OGDH: variants seen among roughly 807,000 people sequenced by gnomAD.
The protein encoded by OGDH is 2-oxoglutarate dehydrogenase complex component E1.
Under a neutral mutation model 116.6 loss-of-function variants are expected in OGDH, and 38 were observed. The observed-to-expected ratio is 0.33, with a 90% CI of 0.25 to 0.43. The LOEUF (loss-of-function observed/expected upper bound fraction) is 0.43, where lower values mean the gene tolerates loss of function less well. OGDH is among the 20% of genes least tolerant of loss of function. OGDH has a pLI of 1.00. For synonymous variants in OGDH, 488 were observed against 533.3 expected (o/e 0.92, Z 1.17); for missense variants, 825 against 1,357.2 (o/e 0.61, Z 6.16).
At chr7:44,633,315 A>G (rs942233468) in intron 2 of OGDH, among the ~76,000 whole-genome samples, 5 of 151,798 alleles carry the variant, frequency 3.3e-5, no homozygotes, top group African/African-American at 9.6e-5. Flanking sequence ...AAAAGGAGCA[A>G]ATTGTTCCAG....
chr7:44,613,729 C>CAAGTCA (rs1784657347), intron 1 of OGDH, among the ~76,000 whole-genome samples: 1 of 151,410 alleles, frequency 6.6e-6, no homozygotes, highest in South Asian at 2.1e-4. Context: ...CTCCTGACCT[C>CAAGTCA]AAGTCATCTG....
At chr7:44,622,490 G>C (rs1012929826) in intron 1 of OGDH, among the ~76,000 whole-genome samples, 1 of 152,070 alleles carries the variant, frequency 6.6e-6, no homozygotes, top group Admixed American at 6.6e-5. Context: ...ATGTTCTGCT[G>C]TTTACTTTTG....
At chr7:44,675,587 C>A (rs903515169) in intron 8 of OGDH, among the ~76,000 whole-genome samples, 1 of 152,054 alleles carries the variant, frequency 6.6e-6, no homozygotes, top group African/African-American at 2.4e-5. Context: ...GAGTAGAAAT[C>A]CCATATAAGG....
intron 10 of OGDH, among the ~76,000 whole-genome samples, chr7:44,692,657 A>G (rs945832426): frequency 1.3e-5 from 2 of 152,214 alleles, no homozygotes; most frequent in African/African-American, 4.8e-5. Context: ...ATAAGATAAA[A>G]ATTTAAATGC....
intron 2 of OGDH, among the ~76,000 whole-genome samples, chr7:44,638,264 A>G (rs1045931266): frequency 3.9e-5 from 6 of 152,112 alleles, no homozygotes; most frequent in Non-Finnish European, 7.4e-5. Flanking sequence ...AGCTGGGCAC[A>G]CCCACGTACG....
chr7:44,607,899 A>AG (rs1277233316), intron 1 of OGDH, among the ~76,000 whole-genome samples: 1 of 151,914 alleles, frequency 6.6e-6, no homozygotes, highest in Non-Finnish European at 1.5e-5. Context: ...ACGGGTTTTC[A>AG]CCACCTTGGC....
intron 1 of OGDH, among the ~76,000 whole-genome samples, chr7:44,616,671 G>A (rs188841510): frequency 7.3e-4 from 104 of 141,640 alleles, no homozygotes; most frequent in Admixed American, 5.4e-3. Flanking sequence ...ACGTATATAC[G>A]TATATATACA....
intron 9 of OGDH, among the ~76,000 whole-genome samples, chr7:44,677,529 C>T (rs894460135): frequency 2.0e-5 from 3 of 151,920 alleles, no homozygotes; most frequent in Non-Finnish European, 2.9e-5. Context: ...AGGGAGGGGC[C>T]GGCCTCCTAG....
intron 1 of OGDH, among the ~76,000 whole-genome samples, chr7:44,609,286 C>G (rs1298044513): frequency 7.1e-6 from 1 of 141,608 alleles, no homozygotes; most frequent in African/African-American, 2.6e-5. Flanking sequence ...GCAGGCAGAT[C>G]GCTTGAGCCC....
At chr7:44,606,747 C>G (rs1784364621) in intron 1 of OGDH, 94 bp downstream of exon 1, 1 of 152,474 alleles carries the variant, frequency 6.6e-6, no homozygotes. Context: ...GGGAGGCCGC[C>G]GCGCCCTTGG....
chr7:44,615,213 T>C (rs540523956), intron 1 of OGDH, among the ~76,000 whole-genome samples: 53 of 152,348 alleles, frequency 3.5e-4, no homozygotes, highest in African/African-American at 1.3e-3. Flanking sequence ...GGACTCTTGA[T>C]CTTGTTTAAA....
chr7:44,619,008 T>C (rs377601449), intron 1 of OGDH, among the ~76,000 whole-genome samples: 6 of 152,342 alleles, frequency 3.9e-5, no homozygotes, highest in Middle Eastern at 6.8e-3. Context: ...CAGTCATGCA[T>C]ATCCAATGAA....
chr7:44,608,720 CA>C (rs1000828162), intron 1 of OGDH, among the ~76,000 whole-genome samples: 19 of 139,930 alleles, frequency 1.4e-4, no homozygotes, highest in South Asian at 2.3e-4. Context: ...GACTCCATCT[CA>C]AAAAAAAAAG....
At chr7:44,654,502 A>G (rs1166753128) in intron 4 of OGDH, among the ~76,000 whole-genome samples, 1 of 152,122 alleles carries the variant, frequency 6.6e-6, no homozygotes, top group Admixed American at 6.5e-5. Flanking sequence ...AATAGAGTTG[A>G]CGTTTAATTA....
chr7:44,674,295 T>TCGA lies in OGDH; in HGVS notation c.789-114_789-113insACG. ...CCTGACCTCAGCTGATCTGCCCACC[T>TCGA]CGGCCTCCCAAGGTGCTGGGATTAC... On this transcript the variant is annotated intron_variant, in intron 6 of 22. Coordinates refer to ENST00000222673, the MANE Select transcript of OGDH (RefSeq NM_002541.4). 6 of 1,294,680 alleles carry TCGA rather than the reference T, an allele frequency of 4.6e-6. No homozygotes were observed. The South Asian group carries it at 6.6e-5, about 14-fold the overall frequency. 80.2% of individuals were successfully genotyped at this position (1,294,680 alleles called of 1,614,324 possible). A position where few individuals can be genotyped will look rare whatever the true frequency, so the allele number is the denominator to read the frequency against.
chr7:44,663,366 A>C (rs898455748), intron 4 of OGDH, among the ~76,000 whole-genome samples: 2 of 152,256 alleles, frequency 1.3e-5, no homozygotes, highest in Non-Finnish European at 2.9e-5. Flanking sequence ...GGCCAGGTGC[A>C]GTGGCTTACG....
intron 4 of OGDH, among the ~76,000 whole-genome samples, chr7:44,651,042 T>C (rs1258878132): frequency 6.6e-6 from 1 of 152,236 alleles, no homozygotes; most frequent in East Asian, 1.9e-4. Flanking sequence ...GAGCTTGTTC[T>C]GTCTTTTGTT....
intron 2 of OGDH, among the ~76,000 whole-genome samples, chr7:44,626,328 CA>C (rs1446481871): frequency 7.2e-5 from 9 of 124,818 alleles, no homozygotes; most frequent in African/African-American, 2.7e-4. Flanking sequence ...CACACACACA[CA>C]CACCCCTACA....
At position 44,674,508 on chromosome 7, in the gene OGDH, A is replaced by G. The variant is rs2116155075; in HGVS notation, c.886A>G (p.Lys296Glu). ...LIPALKTIID[K>E]SSENGVDYVI... ...CCCTGCCCTCAAGACCATCATTGAC[A>G]AGTCTAGTGAGAATGGCGTGGACTA... Residue 296 changes from lysine to glutamate, a missense_variant, in exon 7 of 23, where the codon AAG becomes GAG. Lys to Glu is a moderately conservative substitution (Grantham distance 56). Transcript: ENST00000222673. The G allele has an allele frequency of 6.2e-7, 1 of 1,614,162 alleles. No individual in the cohort carries two copies.
Sources: gnomAD v4.1 joint callset for allele counts (sites outside exome capture counted in the v4.1 genomes callset) on GRCh38, gnomAD v4.1.1 for gene constraint, MANE v1.5 for transcripts, NCBI Gene and HGNC (gene_info 2026-07-23, HGNC 2026-07-21) for gene names.